The following PPP2R2B variants were observed in gnomAD, a reference collection of about 807,000 sequenced individuals.
The protein encoded by PPP2R2B is protein phosphatase 2 regulatory subunit Bbeta, also known as serine/threonine-protein phosphatase 2A 55 kDa regulatory subunit B beta isoform.
PPP2R2B carries 5 observed loss-of-function variants against 46.0 expected under a neutral mutation model. That is an observed-to-expected ratio of 0.11 (90% CI 0.06 to 0.23). PPP2R2B has a LOEUF of 0.23. Among genes scored for constraint, PPP2R2B ranks in the 10% least tolerant of loss-of-function variants. PPP2R2B has a pLI of 1.00. For synonymous variants in PPP2R2B, 215 were observed against 206.7 expected, an observed-to-expected ratio of 1.04 and a Z score of -0.34; for missense variants, 367 against 575.0, an observed-to-expected ratio of 0.64 and a Z score of 3.70.
chr5:146,758,936 T>TC (rs1452623977), intron 2 of PPP2R2B, among the ~76,000 whole-genome samples: 3 of 152,172 alleles, frequency 2.0e-5, no homozygotes, highest in Admixed American at 1.3e-4. Flanking sequence ...ATTTTTTTTT[T>TC]CCCAAATGGA....
chr5:147,019,190 T>A (rs1755143657), intron 1 of PPP2R2B, among the ~76,000 whole-genome samples: 1 of 152,214 alleles, frequency 6.6e-6, no homozygotes, highest in Admixed American at 6.6e-5. Context: ...AACTGTGCAC[T>A]GTTGATTTCA....
At chr5:146,914,891 C>G (rs1269790927) in intron 1 of PPP2R2B, among the ~76,000 whole-genome samples, 1 of 152,144 alleles carries the variant, frequency 6.6e-6, no homozygotes, top group African/African-American at 2.4e-5. Flanking sequence ...AAATGTATCT[C>G]CCCTACTAGT....
chr5:146,776,571 G>A (rs990030787), intron 2 of PPP2R2B, among the ~76,000 whole-genome samples: 1 of 152,088 alleles, frequency 6.6e-6, no homozygotes, highest in African/African-American at 2.4e-5. Flanking sequence ...AATGGCAAAT[G>A]TGTATTATGT....
At chr5:146,869,579 A>G (rs1413666749) in intron 2 of PPP2R2B, among the ~76,000 whole-genome samples, 2 of 152,178 alleles carry the variant, frequency 1.3e-5, no homozygotes, top group Non-Finnish European at 2.9e-5. Context: ...CTCCCCAACT[A>G]TATATCTGTA....
intron 1 of PPP2R2B, among the ~76,000 whole-genome samples, chr5:146,947,261 A>G (rs1409807493): frequency 6.6e-6 from 1 of 152,088 alleles, no homozygotes; most frequent in African/African-American, 2.4e-5. Flanking sequence ...CCCCAATTCT[A>G]CTTTGGGGTC....
chr5:146,903,529 G>A (rs978948858), intron 1 of PPP2R2B, among the ~76,000 whole-genome samples: 3 of 151,528 alleles, frequency 2.0e-5, no homozygotes, highest in East Asian at 1.9e-4. Context: ...CTGAGTAGCC[G>A]GGACTATAGG....
At chr5:147,050,030 CT>C (rs903508236) in intron 1 of PPP2R2B, among the ~76,000 whole-genome samples, 1 of 152,076 alleles carries the variant, frequency 6.6e-6, no homozygotes, top group Non-Finnish European at 1.5e-5. Flanking sequence ...AGAGAAAAAC[CT>C]TGGTGCTGAC....
At chr5:147,021,573 T>A (rs1367822127) in intron 1 of PPP2R2B, among the ~76,000 whole-genome samples, 1 of 152,162 alleles carries the variant, frequency 6.6e-6, no homozygotes, top group Non-Finnish European at 1.5e-5. Context: ...ATGTGAGATG[T>A]TGAAGGGAGA....
chr5:146,889,742 A>G (rs1415320566), intron 1 of PPP2R2B, among the ~76,000 whole-genome samples: 1 of 152,202 alleles, frequency 6.6e-6, no homozygotes, highest in Non-Finnish European at 1.5e-5. Flanking sequence ...GTGAATTATC[A>G]AAACTGAGAA....
At chr5:146,635,372 C>A (rs537673591) in intron 7 of PPP2R2B, among the ~76,000 whole-genome samples, 46 of 151,638 alleles carry the variant, frequency 3.0e-4, no homozygotes, top group Non-Finnish European at 5.7e-4. Flanking sequence ...ATTTCATCAT[C>A]CAGGTATTAA....
chr5:147,003,305 C>CA (rs901206253), intron 1 of PPP2R2B, among the ~76,000 whole-genome samples: 3 of 151,958 alleles, frequency 2.0e-5, no homozygotes, highest in Non-Finnish European at 2.9e-5. Flanking sequence ...TCCAAAGGAC[C>CA]AAAAAAACCC....
chr5:146,792,440 T>C (rs764911583), intron 2 of PPP2R2B, among the ~76,000 whole-genome samples: 3 of 152,096 alleles, frequency 2.0e-5, no homozygotes, highest in Admixed American at 6.6e-5. Flanking sequence ...TCCTAGGATG[T>C]TGGGGGTATA....
chr5:146,909,319 C>T (rs562913245), intron 1 of PPP2R2B, among the ~76,000 whole-genome samples: 7 of 152,276 alleles, frequency 4.6e-5, no homozygotes, highest in Admixed American at 6.5e-5. Context: ...AGTTCATTTG[C>T]TTCTGGGATA....
At chr5:146,965,926 G>A (rs778844756) in intron 1 of PPP2R2B, among the ~76,000 whole-genome samples, 2 of 152,158 alleles carry the variant, frequency 1.3e-5, no homozygotes, top group African/African-American at 2.4e-5. Flanking sequence ...AGTGGGAATC[G>A]TACGACTCAC....
chr5:147,073,085 T>A (rs568523541), intron 2 of PPP2R2B, among the ~76,000 whole-genome samples: 1 of 152,292 alleles, frequency 6.6e-6, no homozygotes, highest in South Asian at 2.1e-4. Flanking sequence ...CAGGGTTTTG[T>A]CCATGACTGG....
At chr5:146,871,157 A>C (rs894349240) in intron 2 of PPP2R2B, among the ~76,000 whole-genome samples, 7 of 152,244 alleles carry the variant, frequency 4.6e-5, no homozygotes, top group Non-Finnish European at 8.8e-5. Context: ...GGGTGAAAGC[A>C]AAATCGTCTT....
chr5:146,906,921 G>GA (rs1174201825), intron 1 of PPP2R2B, among the ~76,000 whole-genome samples: 1 of 152,156 alleles, frequency 6.6e-6, no homozygotes, highest in African/African-American at 2.4e-5. Context: ...TAAATTTAAA[G>GA]AGACAATCTA....
chr5:146,684,436 T>C (rs1425509893), intron 5 of PPP2R2B, among the ~76,000 whole-genome samples: 1 of 152,206 alleles, frequency 6.6e-6, no homozygotes, highest in Non-Finnish European at 1.5e-5. Flanking sequence ...CTAAAGGCTA[T>C]AGACAGACAG....
chr5:146,683,929 G>C (rs1230049861), intron 5 of PPP2R2B, among the ~76,000 whole-genome samples: 5 of 152,276 alleles, frequency 3.3e-5, no homozygotes, highest in East Asian at 3.9e-4. Context: ...TCACTTTCAG[G>C]GCAGTCAATC....
Sources: allele counts gnomAD v4.1 joint callset (sites outside exome capture counted in the v4.1 genomes callset), GRCh38; gene constraint gnomAD v4.1.1; transcripts MANE v1.5; gene names NCBI Gene and HGNC (gene_info 2026-07-23, HGNC 2026-07-21).